The following GSDME variants were observed in gnomAD, a reference collection of about 807,000 sequenced individuals.
GSDME encodes the protein gasdermin E, also known as gasdermin-E.
Under a neutral mutation model 47.5 loss-of-function variants are expected in GSDME, and 44 were observed. The observed-to-expected ratio is 0.93, with a 90% CI of 0.73 to 1.19. The LOEUF is 1.19. Ranked by LOEUF, GSDME falls within the 50% of genes most tolerant of loss-of-function variation. GSDME has a pLI of 0.00. For missense variants in GSDME, 663 were observed against 604.2 expected (o/e 1.10, Z -1.02); for synonymous variants, 258 against 252.8 (o/e 1.02, Z -0.20).
At chr7:24,715,663 CT>C in intron 5 of GSDME, 2 of 312,096 alleles carry the variant, frequency 6.4e-6, no homozygotes, top group Non-Finnish European at 1.3e-5. Context: ...TCATGATGCA[CT>C]TTTTTTGGAA....
At chr7:24,710,704 A>G (rs957314131) in intron 5 of GSDME, 1 of 306,624 alleles carries the variant, frequency 3.3e-6, no homozygotes, top group Non-Finnish European at 6.2e-6. Context: ...AACTGATTCT[A>G]AACAGACAAA....
the GSDME span, among the ~76,000 whole-genome samples, chr7:24,786,267 C>T: frequency 2.6e-5 from 4 of 152,130 alleles, no homozygotes; most frequent in African/African-American, 9.7e-5. The surrounding 1 kb of genome is among the most constrained non-coding windows in gnomAD (Gnocchi z 5.5). Flanking sequence ...CCTGTGTCCA[C>T]TTCAAAAACC....
rs772900361 is a variant in GSDME, at chr7:24,698,683, T to C, written c.*343A>G. On this transcript the variant is annotated 3_prime_UTR_variant, in exon 10 of 10. Coordinates refer to ENST00000645220, the MANE Select transcript of GSDME (RefSeq NM_001127453.2). ...CCTTTTGGATTAAAGGGTCAGACTC[T>C]TTCTATGTAACAAAAAGTGGAATGC... 4.7e-5 allele frequency: 17 copies of C among 362,228 alleles called. No individual in the cohort carries two copies. The highest frequency in any genetic ancestry group is 7.9e-5 in the Non-Finnish European group (15 of 189,470). 22.4% of individuals were successfully genotyped at this position (362,228 alleles called of 1,614,324 possible).
At chr7:24,774,877 C>T in the GSDME span, among the ~76,000 whole-genome samples, 1 of 152,172 alleles carries the variant, frequency 6.6e-6, no homozygotes, top group African/African-American at 2.4e-5. Context: ...GAAACCCAGC[C>T]CCTGTCTTTC....
At chr7:24,710,756 CTG>C (rs1789320195) in intron 5 of GSDME, among the ~76,000 whole-genome samples, 1 of 152,128 alleles carries the variant, frequency 6.6e-6, no homozygotes, top group African/African-American at 2.4e-5. Flanking sequence ...AATCTGAACA[CTG>C]ATAATATTTT....
At chr7:24,719,025 A>T in intron 4 of GSDME, 22 bp downstream of exon 4, 1 of 1,611,252 alleles carries the variant, frequency 6.2e-7, no homozygotes, top group Non-Finnish European at 8.5e-7. Context: ...CCATGAACGC[A>T]GGGCAGCCCG....
rs146686109 is a variant in GSDME at position 24,728,595 on chromosome 7, C to A, written c.405-9377G>T. Among the ~76,000 whole-genome samples the A allele has an allele frequency of 2.0e-5, 3 of 152,280 alleles. No individual in the cohort carries two copies. The South Asian group carries it at 6.2e-4, about 32-fold the overall frequency. On this transcript the variant is annotated intron_variant, in intron 3 of 9. Transcript: ENST00000645220. This position sits in a 1 kb window ranked among gnomAD's most constrained non-coding sequence, Gnocchi z 7.2. ...CTTCCTGGGCCCTGCATACAGAAGG[C>A]GCTTAATGCATGCTTGATTGTTAAA...
intron 3 of GSDME, among the ~76,000 whole-genome samples, chr7:24,740,968 C>T (rs773215432): frequency 6.6e-6 from 1 of 152,140 alleles, no homozygotes; most frequent in Non-Finnish European, 1.5e-5. Context: ...CAGCCGGGAC[C>T]GCGGCCCAGA....
chr7:24,708,762 G>C (rs1246274661), intron 6 of GSDME, among the ~76,000 whole-genome samples: 1 of 152,164 alleles, frequency 6.6e-6, no homozygotes, highest in African/African-American at 2.4e-5. Context: ...CTATTTTCAT[G>C]GCAAGCACAG....
At chr7:24,710,146 T>A in intron 6 of GSDME, 78 bp downstream of exon 6, 1 of 1,499,408 alleles carries the variant, frequency 6.7e-7, no homozygotes, top group South Asian at 1.1e-5. Flanking sequence ...TCACTGATGC[T>A]GAAGGCCACA....
At chr7:24,777,105 A>C in the GSDME span, among the ~76,000 whole-genome samples, 1 of 152,340 alleles carries the variant, frequency 6.6e-6, no homozygotes, top group African/African-American at 2.4e-5. Context: ...AAAATGAACA[A>C]AAATGCCATT....
chr7:24,714,012 GCA>G lies in GSDME; in HGVS notation c.697+3240_697+3241del, dbSNP rs1231649509. ...GGTGTTAGGGCCAGTGGGGAGACGT[GCA>G]CAGATTCAGGTGCAGCGTGGGAAAC... On this transcript the variant is annotated intron_variant, in intron 5 of 9. Transcript: ENST00000645220. The surrounding 1 kb of genome is among the most constrained non-coding windows in gnomAD (Gnocchi z 5.0). Among the ~76,000 whole-genome samples, 2 of 152,234 alleles carry G rather than the reference GCA, an allele frequency of 1.3e-5. No individual in the cohort carries two copies. The highest frequency in any genetic ancestry group is 4.8e-5 in the African/African-American group (2 of 41,452).
intron 9 of GSDME, among the ~76,000 whole-genome samples, chr7:24,700,305 A>G (rs77030535): frequency 0.022 from 3,304 of 152,206 alleles, 130 homozygotes; most frequent in African/African-American, 0.075. Flanking sequence ...CTCAACACAT[A>G]CTTGAAATAT....
upstream of GSDME, among the ~76,000 whole-genome samples, chr7:24,761,715 A>G (rs543621108): frequency 5.3e-5 from 8 of 152,316 alleles, no homozygotes; most frequent in East Asian, 1.5e-3. The surrounding 1 kb of genome is among the most constrained non-coding windows in gnomAD (Gnocchi z 4.4). Context: ...CCTCTTCATC[A>G]TGGTGGTTTT....
rs555699474 is a variant in GSDME at position 24,714,856 on chromosome 7, G to T, written c.697+2398C>A. ...CAGGCCTGGGTCCCCGCCACCGAAG[G>T]GTCCGCAGAGCACTCCTGGGCATCC... On this transcript the variant is annotated intron_variant, in intron 5 of 9. Coordinates refer to ENST00000645220, the MANE Select transcript of GSDME (RefSeq NM_001127453.2). The surrounding 1 kb of genome is among the most constrained non-coding windows in gnomAD (Gnocchi z 5.0). Among the ~76,000 whole-genome samples the T allele has an allele frequency of 6.6e-6, 1 of 152,268 alleles. No homozygotes were observed. The highest frequency in any genetic ancestry group is 1.9e-4 in the East Asian group (1 of 5,180).
At chr7:24,769,858 T>A in the GSDME span, among the ~76,000 whole-genome samples, 1 of 152,238 alleles carries the variant, frequency 6.6e-6, no homozygotes, top group South Asian at 2.1e-4. Flanking sequence ...GAATTAAAAA[T>A]TCACTATAAT....
intron 6 of GSDME, among the ~76,000 whole-genome samples, chr7:24,709,122 C>T (rs1789244458): frequency 6.6e-6 from 1 of 152,192 alleles, no homozygotes; most frequent in South Asian, 2.1e-4. Context: ...TATTTCAAAA[C>T]TCTGCTATAC....
At chr7:24,757,799 G>C (rs1417322403), upstream of GSDME, 1 of 152,374 alleles carries the variant, frequency 6.6e-6, no homozygotes, top group East Asian at 1.9e-4. The surrounding 1 kb of genome is among the most constrained non-coding windows in gnomAD (Gnocchi z 5.9). Flanking sequence ...TGGGGTTTGA[G>C]AGCGGCGCCT....
chr7:24,721,249 A>G lies in GSDME; in HGVS notation c.405-2031T>C, dbSNP rs1191847202. Among the ~76,000 whole-genome samples the G allele has an allele frequency of 6.6e-6, 1 of 152,252 alleles. No homozygotes were observed. Among genetic ancestry groups the G allele is most frequent in the Non-Finnish European group, 1.5e-5 (1 of 68,042 alleles). On this transcript the variant is annotated intron_variant, in intron 3 of 9. Coordinates refer to ENST00000645220, the MANE Select transcript of GSDME (RefSeq NM_001127453.2). The surrounding 1 kb of genome is among the most constrained non-coding windows in gnomAD (Gnocchi z 4.1). ...CAACAGTAAATGTTGTGTCTCATCT[A>G]TTTTACCACAATAACAAATAGATAA...
Sources: gnomAD v4.1 joint callset for allele counts (sites outside exome capture counted in the v4.1 genomes callset) on GRCh38, gnomAD v4.1.1 for gene constraint, Gnocchi (gnomAD v3.1) non-coding constraint, MANE v1.5 for transcripts, NCBI Gene and HGNC (gene_info 2026-07-23, HGNC 2026-07-21) for gene names.